The following EYS variants were observed in gnomAD, a reference collection of about 807,000 sequenced individuals.
The protein encoded by EYS is protein eyes shut homolog.
EYS carries 250 observed loss-of-function variants against 282.1 expected under a neutral mutation model. That is an observed-to-expected ratio of 0.89 (90% confidence interval 0.80 to 0.98). The LOEUF (loss-of-function observed/expected upper bound fraction) is 0.98. Among genes scored for constraint, EYS ranks in the 50% least tolerant of loss-of-function variants. The pLI, the probability that EYS is intolerant of heterozygous loss-of-function variation, is 0.00. For missense variants in EYS, 4,016 were observed against 3,709.0 expected, an observed-to-expected ratio of 1.08 and a Z score of -2.15; for synonymous variants, 1,355 against 1,282.9, an observed-to-expected ratio of 1.06 and a Z score of -1.20.
chr6:63,832,120 A>C (rs1252662894), intron 36 of EYS, among the ~76,000 whole-genome samples: 1 of 152,222 alleles, frequency 6.6e-6, no homozygotes, highest in Non-Finnish European at 1.5e-5. Context: ...AGCAGGAAAG[A>C]TCTAAAATTG....
chr6:64,479,555 T>G (rs139831395), intron 26 of EYS, among the ~76,000 whole-genome samples: 139 of 152,130 alleles, frequency 9.1e-4, no homozygotes, highest in African/African-American at 2.9e-3. Flanking sequence ...AATGCTTGGC[T>G]GTTTGTTTTA....
intron 8 of EYS, among the ~76,000 whole-genome samples, chr6:65,377,102 A>G (rs1250604618): frequency 6.6e-6 from 1 of 152,192 alleles, no homozygotes; most frequent in East Asian, 1.9e-4. Context: ...CACTTACTCT[A>G]AAATCAACCA....
intron 1 of EYS, among the ~76,000 whole-genome samples, chr6:65,670,355 G>C (rs966875898): frequency 6.6e-6 from 1 of 152,016 alleles, no homozygotes; most frequent in Non-Finnish European, 1.5e-5. Context: ...TTTAGGGGTG[G>C]TAAGGGATTC....
chr6:64,048,810 T>G (rs1021520458), intron 33 of EYS, among the ~76,000 whole-genome samples: 4 of 152,116 alleles, frequency 2.6e-5, no homozygotes, highest in South Asian at 2.1e-4. Flanking sequence ...CACAGATTTT[T>G]TTCCACCCAC....
At chr6:65,649,576 T>G (rs899591479) in intron 1 of EYS, among the ~76,000 whole-genome samples, 37 of 152,352 alleles carry the variant, frequency 2.4e-4, no homozygotes, top group African/African-American at 8.4e-4. Flanking sequence ...ACTGGTTTGA[T>G]CCATGAAATG....
chr6:65,495,333 C>T lies in EYS; in HGVS notation c.78G>A (p.Arg26=), dbSNP rs1766217092. The T allele has an allele frequency of 4.3e-6, 7 of 1,613,744 alleles. No homozygotes were observed. Among genetic ancestry groups the T allele is most frequent in the Middle Eastern group, 1.6e-4 (1 of 6,084 alleles). ...SSFINGKTCR[R]QLVEEWHPQP... is the part of the protein sequence containing the mutation. ...GTGGATGCCATTCTTCCACCAATTG[C>T]CGTCTACATGTTTTTCCATTTATGA... The change falls in exon 4 of 43, where the codon CGG becomes CGA. Residue 26 remains arginine (R), a synonymous_variant. Coordinates refer to ENST00000503581, the MANE Select transcript of EYS (RefSeq NM_001142800.2).
chr6:65,588,306 A>C (rs1765123665), intron 2 of EYS, among the ~76,000 whole-genome samples: 1 of 152,028 alleles, frequency 6.6e-6, no homozygotes, highest in South Asian at 2.1e-4. Context: ...TATTGTGCCA[A>C]ATACTATTAA....
At chr6:64,562,037 C>T (rs1355429789) in intron 26 of EYS, among the ~76,000 whole-genome samples, 3 of 151,420 alleles carry the variant, frequency 2.0e-5, no homozygotes, top group Non-Finnish European at 4.4e-5. Flanking sequence ...GGTACTAGTG[C>T]AAAAACAGGC....
intron 12 of EYS, among the ~76,000 whole-genome samples, chr6:65,267,470 T>TA (rs1292629357): frequency 5.3e-5 from 8 of 152,092 alleles, no homozygotes; most frequent in Middle Eastern, 6.8e-3. Flanking sequence ...GCAGGAGTGT[T>TA]ACACAGAAGT....
chr6:64,273,277 C>T lies in EYS; in HGVS notation c.6191+33693G>A, dbSNP rs75508952. 4.4e-3 allele frequency among the ~76,000 whole-genome samples: 673 copies of T among 152,204 alleles called. 2 individuals carry two copies. Among genetic ancestry groups the T allele is most frequent in the South Asian group, 8.1e-3 (39 of 4,826 alleles). ...TCTTTAGTATTTATTGAGACGGTCA[C>T]ACATGTTAAGTTTTAATTTAAGTTT... On this transcript the variant is annotated intron_variant, in intron 30 of 42. Coordinates refer to ENST00000503581, the MANE Select transcript of EYS (RefSeq NM_001142800.2).
chr6:65,137,961 A>T (rs975330736), intron 12 of EYS, among the ~76,000 whole-genome samples: 1 of 152,098 alleles, frequency 6.6e-6, no homozygotes, highest in African/African-American at 2.4e-5. Context: ...TGGGCAGAAA[A>T]GAGACTGCTA....
intron 23 of EYS, among the ~76,000 whole-genome samples, chr6:64,622,801 A>C (rs1287860432): frequency 1.3e-5 from 2 of 152,140 alleles, no homozygotes; most frequent in African/African-American, 4.8e-5. Context: ...AGATAAGATA[A>C]TGGCATGACT....
At chr6:64,737,031 A>T (rs1006830761) in intron 22 of EYS, among the ~76,000 whole-genome samples, 20 of 152,116 alleles carry the variant, frequency 1.3e-4, no homozygotes, top group African/African-American at 3.4e-4. Context: ...ATTGTGTGTC[A>T]CCCAAATTGT....
At chr6:63,960,285 A>G (rs1455745685) in intron 35 of EYS, among the ~76,000 whole-genome samples, 1 of 152,194 alleles carries the variant, frequency 6.6e-6, no homozygotes, top group Non-Finnish European at 1.5e-5. Flanking sequence ...TGGCTGAAAA[A>G]GCAAGAGAAC....
At chr6:63,891,891 T>A (rs1379922648) in intron 35 of EYS, among the ~76,000 whole-genome samples, 1 of 152,204 alleles carries the variant, frequency 6.6e-6, no homozygotes, top group Non-Finnish European at 1.5e-5. Context: ...AATCTCAGGA[T>A]ACAAAATCAA....
chr6:63,987,901 A>C (rs964325949), intron 34 of EYS, among the ~76,000 whole-genome samples: 3 of 151,620 alleles, frequency 2.0e-5, no homozygotes, highest in Middle Eastern at 3.2e-3. Flanking sequence ...GTTTAATTCT[A>C]GGAAGAGCAA....
intron 5 of EYS, among the ~76,000 whole-genome samples, chr6:65,438,618 C>A (rs1245831068): frequency 6.6e-6 from 1 of 152,060 alleles, no homozygotes; most frequent in East Asian, 1.9e-4. Context: ...TGATGATGAG[C>A]ATTTTTTTCA....
intron 22 of EYS, among the ~76,000 whole-genome samples, chr6:64,653,943 A>G (rs1768657328): frequency 6.6e-6 from 1 of 152,078 alleles, no homozygotes; most frequent in Admixed American, 6.6e-5. Context: ...AAAGTAGACA[A>G]CCCTCTTCAA....
intron 31 of EYS, among the ~76,000 whole-genome samples, chr6:64,205,186 A>G (rs1006476989): frequency 6.6e-6 from 1 of 152,144 alleles, no homozygotes; most frequent in African/African-American, 2.4e-5. Context: ...AAAATATTGT[A>G]TTTCCATAGA....
Sources: gnomAD v4.1 joint callset for allele counts (sites outside exome capture counted in the v4.1 genomes callset) on GRCh38, gnomAD v4.1.1 for gene constraint, MANE v1.5 for transcripts, NCBI Gene and HGNC (gene_info 2026-07-23, HGNC 2026-07-21) for gene names.